Variants in COX7A2L observed in about 807,000 individuals in gnomAD.
The protein encoded by COX7A2L is cytochrome c oxidase subunit 7A2-like, mitochondrial.
COX7A2L carries 18 observed loss-of-function variants against 14.2 expected under a neutral mutation model. The ratio of observed to expected loss-of-function variants is 1.27; its 90% CI spans 0.88 to 1.88. COX7A2L has a LOEUF of 1.88. COX7A2L is among the 40% of genes most tolerant of loss of function. The pLI, the probability that COX7A2L is intolerant of heterozygous loss-of-function variation, is 0.00. For synonymous variants in COX7A2L, 65 were observed against 57.4 expected (o/e 1.13, Z -0.60); for missense variants, 179 against 138.8 (o/e 1.29, Z -1.46).
intron 2 of COX7A2L, among the ~76,000 whole-genome samples, chr2:42,343,333 A>T (rs757653307): frequency 3.9e-5 from 6 of 152,222 alleles, no homozygotes; most frequent in Non-Finnish European, 7.4e-5. Context: ...AGAGGTGGAG[A>T]GACACCCTGA....
At position 42,349,979 on chromosome 2, in the gene COX7A2L, T is replaced by C. The variant is rs538527696; in HGVS notation, c.*1240A>G. 1.3e-4 allele frequency: 20 copies of C among 152,326 alleles called. No individual in the cohort carries two copies. The highest frequency in any genetic ancestry group is 4.6e-4 in the African/African-American group (19 of 41,586). The allele number at this position is 152,326 out of a possible 1,614,324, so 9.4% of individuals were successfully genotyped here. A position where few individuals can be genotyped will look rare whatever the true frequency, so the allele number is the denominator to read the frequency against. On this transcript the variant is annotated 3_prime_UTR_variant, in exon 3 of 3. Coordinates refer to ENST00000234301, the MANE Select transcript of COX7A2L (RefSeq NM_004718.4). ...GTGAAGGATATACAGGTGTATATTGTACTATGCTTAGTCCTTCTGTAGTCT... is the reference window on the plus strand; with the variant it reads ...GTGAAGGATATACAGGTGTATATTGCACTATGCTTAGTCCTTCTGTAGTCT...
intron 1 of COX7A2L, among the ~76,000 whole-genome samples, chr2:42,353,843 C>A (rs1318711169): frequency 5.3e-5 from 8 of 152,098 alleles, no homozygotes. Context: ...AAAAACTTTT[C>A]GAAATGAACT....
downstream of COX7A2L, among the ~76,000 whole-genome samples, chr2:42,347,156 C>T (rs1670514124): frequency 6.6e-6 from 1 of 152,156 alleles, no homozygotes; most frequent in South Asian, 2.1e-4. Flanking sequence ...TGAGCCATGG[C>T]GCCCGGCCTA....
At chr2:42,367,702 T>C (rs1032082801) in intron 1 of COX7A2L, among the ~76,000 whole-genome samples, 5 of 152,366 alleles carry the variant, frequency 3.3e-5, no homozygotes, top group East Asian at 1.9e-4. Flanking sequence ...TGACCACCGA[T>C]TGGCACTCTG....
chr2:42,355,096 T>A (rs1038028684), intron 1 of COX7A2L, among the ~76,000 whole-genome samples: 6 of 152,094 alleles, frequency 3.9e-5, no homozygotes, highest in African/African-American at 1.4e-4. Flanking sequence ...CACCCCACCC[T>A]CCCAATCAAC....
At position 42,368,239 on chromosome 2, in the gene COX7A2L, T is replaced by C. The variant is rs939731636; in HGVS notation, c.-688+629A>G. On this transcript the variant is annotated intron_variant, in intron 1 of 3. Transcript: ENST00000378669. Reference sequence around the variant, plus strand: ...TTTTTTTTATGAAGAATCTTTTCTATGTTTGCCTTTTAACACCCCACCTTC... The same window carrying C: ...TTTTTTTTATGAAGAATCTTTTCTACGTTTGCCTTTTAACACCCCACCTTC... Among the ~76,000 whole-genome samples, 7 of 152,330 alleles carry C rather than the reference T, an allele frequency of 4.6e-5. No individual in the cohort carries two copies. The South Asian group carries it at 1.4e-3, about 32-fold the overall frequency.
chr2:42,341,334 C>T (rs1057448614), intron 2 of COX7A2L, among the ~76,000 whole-genome samples: 5 of 152,154 alleles, frequency 3.3e-5, no homozygotes, highest in Non-Finnish European at 7.4e-5. Context: ...GTCATGGCGT[C>T]GCAGGGGGCA....
intron 1 of COX7A2L, among the ~76,000 whole-genome samples, chr2:42,360,361 C>T (rs906824951): frequency 8.5e-5 from 13 of 152,268 alleles, no homozygotes; most frequent in African/African-American, 3.1e-4. Context: ...CAAGGTCACA[C>T]AATTAAAGCG....
intron 1 of COX7A2L, among the ~76,000 whole-genome samples, chr2:42,357,483 T>C (rs1165383758): frequency 6.6e-6 from 1 of 151,998 alleles, no homozygotes; most frequent in African/African-American, 2.4e-5. Context: ...TAATTTTTCT[T>C]ATTTTTTTTT....
intron 1 of COX7A2L, among the ~76,000 whole-genome samples, chr2:42,360,662 C>G (rs1572801544): frequency 6.6e-6 from 1 of 152,148 alleles, no homozygotes; most frequent in Admixed American, 6.5e-5. Flanking sequence ...CTTTATAGCC[C>G]CGCGCTCTCT....
Position 42,338,252 on chromosome 2 carries a change from T to G in COX7A2L, c.193-4383A>C, listed in dbSNP as rs1389649011. ...CGTCTTGCTTCCGGTTGATGTGTCG[T>G]TGGTACTCCTCCTCGGATGCCCTCT... is the stretch of plus-strand genomic sequence containing the variant. On this transcript the variant is annotated intron_variant, in intron 2 of 2. Transcript: ENST00000468711. This position sits in a 1 kb window ranked among gnomAD's most constrained non-coding sequence, Gnocchi z 4.4. Among the ~76,000 whole-genome samples the G allele has an allele frequency of 6.6e-6, 1 of 152,178 alleles. No individual in the cohort carries two copies. Among genetic ancestry groups the G allele is most frequent in the Non-Finnish European group, 1.5e-5 (1 of 68,016 alleles).
In COX7A2L at chr2:42,339,533, C is replaced by A. The variant is rs953263238; in HGVS notation, c.193-5664G>T. ...CAACCTCCTTGAAACCCCCTCCTCT[C>A]CTGCCACCATTCCTCCTGGTTTCTT... On this transcript the variant is annotated intron_variant, in intron 2 of 2. Transcript: ENST00000468711. This position sits in a 1 kb window ranked among gnomAD's most constrained non-coding sequence, Gnocchi z 5.4. Among the ~76,000 whole-genome samples the A allele has an allele frequency of 1.3e-5, 2 of 152,184 alleles. No individual in the cohort carries two copies. Among genetic ancestry groups the A allele is most frequent in the Non-Finnish European group, 2.9e-5 (2 of 68,020 alleles).
intron 2 of COX7A2L, among the ~76,000 whole-genome samples, chr2:42,335,849 T>C (rs1448158568): frequency 6.6e-6 from 1 of 152,232 alleles, no homozygotes; most frequent in Non-Finnish European, 1.5e-5. Context: ...CTTTGGACTT[T>C]GAATCGTGTC....
chr2:42,364,633 T>G (rs1572805168), upstream of COX7A2L, among the ~76,000 whole-genome samples: 1 of 152,228 alleles, frequency 6.6e-6, no homozygotes, highest in African/African-American at 2.4e-5. Context: ...CTGTCATCTC[T>G]TACTGTTTTT....
At chr2:42,358,891 G>T (rs1422206031) in intron 1 of COX7A2L, among the ~76,000 whole-genome samples, 1 of 152,002 alleles carries the variant, frequency 6.6e-6, no homozygotes, top group Non-Finnish European at 1.5e-5. Flanking sequence ...AGCCACTCAG[G>T]GGGCTGAGGT....
At chr2:42,348,380 G>C (rs891801166), downstream of COX7A2L, among the ~76,000 whole-genome samples, 5 of 152,144 alleles carry the variant, frequency 3.3e-5, no homozygotes, top group African/African-American at 1.2e-4. Flanking sequence ...GAGAAATCCG[G>C]CAGACACAAC....
upstream of COX7A2L, among the ~76,000 whole-genome samples, chr2:42,364,842 G>A (rs900035016): frequency 6.6e-6 from 1 of 152,172 alleles, no homozygotes; most frequent in African/African-American, 2.4e-5. Context: ...CTTTATTGCG[G>A]TACAGGATGA....
chr2:42,360,962 G>C (rs1365726386), intron 1 of COX7A2L, 128 bp downstream of exon 1: 5 of 924,866 alleles, frequency 5.4e-6, no homozygotes, highest in African/African-American at 1.6e-5. Flanking sequence ...GCCCCGGGAG[G>C]TGCAAGGAGA....
chr2:42,347,964 C>A (rs1246351531), downstream of COX7A2L, among the ~76,000 whole-genome samples: 2 of 152,122 alleles, frequency 1.3e-5, no homozygotes, highest in East Asian at 3.9e-4. Flanking sequence ...TAGAATATAT[C>A]ATAATAAACA....
Sources: allele counts gnomAD v4.1 joint callset (sites outside exome capture counted in the v4.1 genomes callset), GRCh38; gene constraint gnomAD v4.1.1; non-coding constraint Gnocchi (gnomAD v3.1); transcripts MANE v1.5; gene names NCBI Gene and HGNC (gene_info 2026-07-23, HGNC 2026-07-21).